Variants in FAM3D observed in about 807,000 individuals in gnomAD.
FAM3D encodes FAM3 metabolism regulating signaling molecule D.
A neutral mutation model predicts 29.8 loss-of-function variants in FAM3D; 26 were observed. That is an observed-to-expected ratio of 0.87 (90% CI 0.64 to 1.21). The LOEUF is 1.21. Ranked by LOEUF, FAM3D falls within the 50% of genes most tolerant of loss-of-function variation. FAM3D has a pLI of 0.00. For synonymous variants in FAM3D, 115 were observed against 102.3 expected (o/e 1.12, Z -0.75); for missense variants, 253 against 290.9 (o/e 0.87, Z 0.95).
chr3:58,650,613 G>C (rs990649498), intron 3 of FAM3D, among the ~76,000 whole-genome samples: 11 of 152,134 alleles, frequency 7.2e-5, no homozygotes, highest in African/African-American at 2.2e-4. Flanking sequence ...GAGACTCCTG[G>C]ATTCAGCCAC....
At position 58,653,692 on chromosome 3, in the gene FAM3D, G is replaced by T. The variant is rs140921588; in HGVS notation, c.103C>A (p.Arg35Ser). 6.2e-7 allele frequency: 1 copy of T among 1,613,918 alleles called. No individual in the cohort carries two copies. The highest frequency in any genetic ancestry group is 8.5e-7 in the Non-Finnish European group (1 of 1,180,032). Residue 35 changes from arginine (R) to serine (S), a missense_variant, in exon 3 of 10, where the codon CGT becomes AGT. Arg to Ser is a moderately radical substitution (Grantham distance 110). Transcript: ENST00000358781. ...CACTCACCCAGCCAGCGTGGCAGAC[G>T]GATGGTTTTCATGCTGAAGCTCATG... ...SYMSFSMKTI[R>S]LPRWLAASPT...
At position 58,633,986 on chromosome 3, in the gene FAM3D, T is replaced by A; in HGVS notation, c.*293A>T. ...AATAAAATTTAATTGGGCTCAAGTC[T>A]GGGCAGTTTGTCCTTCCTCAGGACC... On this transcript the variant is annotated 3_prime_UTR_variant, in exon 10 of 10. Coordinates refer to ENST00000358781, the MANE Select transcript of FAM3D (RefSeq NM_138805.3). The A allele has an allele frequency of 2.5e-6, 1 of 405,858 alleles. No individual in the cohort carries two copies. Among genetic ancestry groups the A allele is most frequent in the Non-Finnish European group, 4.4e-6 (1 of 226,818 alleles). 25.1% of individuals were successfully genotyped at this position (405,858 alleles called of 1,614,324 possible).
At chr3:58,650,132 C>T (rs912506437) in intron 3 of FAM3D, among the ~76,000 whole-genome samples, 23 of 152,224 alleles carry the variant, frequency 1.5e-4, no homozygotes, top group African/African-American at 3.1e-4. Flanking sequence ...TCTCCCACCA[C>T]GCCAGCAGTG....
At chr3:58,655,821 G>GT (rs1329177393) in intron 1 of FAM3D, among the ~76,000 whole-genome samples, 9 of 152,242 alleles carry the variant, frequency 5.9e-5, no homozygotes, top group Admixed American at 5.9e-4. Context: ...AATTCTCCAT[G>GT]TTTTTTTGAA....
rs1441176212 is a variant in FAM3D at position 58,634,214 on chromosome 3, G to A, written c.*65C>T. The stretch of plus-strand genomic sequence containing the variant: ...GCTCCTCCTCCTCAGCCCCTGCCGG[G>A]CTCTGACTCCTAAGTCAGGCAGGAG... On this transcript the variant is annotated 3_prime_UTR_variant, in exon 10 of 10. Coordinates refer to ENST00000358781, the MANE Select transcript of FAM3D (RefSeq NM_138805.3). The surrounding 1 kb of genome is among the most constrained non-coding windows in gnomAD (Gnocchi z 4.6). 6.7e-7 allele frequency: 1 copy of A among 1,483,520 alleles called. No individual in the cohort carries two copies. Among genetic ancestry groups the A allele is most frequent in the East Asian group, 2.3e-5 (1 of 44,138 alleles). 91.9% of individuals were successfully genotyped at this position (1,483,520 alleles called of 1,614,324 possible). A position where few individuals can be genotyped will look rare whatever the true frequency, so the allele number is the denominator to read the frequency against.
chr3:58,662,183 G>T (rs1382012020), intron 1 of FAM3D, among the ~76,000 whole-genome samples: 1 of 152,226 alleles, frequency 6.6e-6, no homozygotes, highest in Non-Finnish European at 1.5e-5. Flanking sequence ...GCCCCTGCAG[G>T]CCTGCTGCTG....
intron 4 of FAM3D, among the ~76,000 whole-genome samples, chr3:58,646,649 C>G (rs1048913259): frequency 3.3e-5 from 5 of 152,220 alleles, no homozygotes; most frequent in African/African-American, 1.2e-4. Context: ...GGTTGGGCAG[C>G]CTTTCCCTCC....
chr3:58,637,928 AGGCTGGAGTGCAATGGCGC>A (rs2066221975), intron 7 of FAM3D, among the ~76,000 whole-genome samples: 1 of 123,148 alleles, frequency 8.1e-6, no homozygotes. Flanking sequence ...CTCGTTGCCC[AGGCTGGAGTGCAATGGCGC>A]GATCTGCGCT....
chr3:58,662,074 C>T (rs990270235), intron 1 of FAM3D, among the ~76,000 whole-genome samples: 2 of 152,174 alleles, frequency 1.3e-5, no homozygotes, highest in Admixed American at 6.5e-5. Context: ...CCAGTTTGTG[C>T]CCCAGAATTT....
intron 7 of FAM3D, among the ~76,000 whole-genome samples, chr3:58,639,350 C>A (rs2066263771): frequency 6.6e-6 from 1 of 152,168 alleles, no homozygotes; most frequent in Non-Finnish European, 1.5e-5. Flanking sequence ...GCCTCTATGT[C>A]ACAGATGAAG....
At chr3:58,653,576 T>C (rs2066707372) in intron 3 of FAM3D, 98 bp downstream of exon 3, 1 of 1,160,922 alleles carries the variant, frequency 8.6e-7, no homozygotes, top group Non-Finnish European at 1.3e-6. Context: ...GCACAGCTTG[T>C]CATGTCTCCT....
At position 58,652,288 on chromosome 3, in the gene FAM3D, T is replaced by C. The variant is rs566829665; in HGVS notation, c.121+1386A>G. Among the ~76,000 whole-genome samples the C allele has an allele frequency of 4.6e-5, 7 of 152,296 alleles. No individual in the cohort carries two copies. In the South Asian group the frequency reaches 1.5e-3, roughly 32 times the overall value. Reference sequence around the variant, plus strand: ...TTGAGTCCATTCCACAACCACACCATAGATCACTCTGTGGAACATTTGTGC... The same window carrying C: ...TTGAGTCCATTCCACAACCACACCACAGATCACTCTGTGGAACATTTGTGC... On this transcript the variant is annotated intron_variant, in intron 3 of 9. Transcript: ENST00000358781.
rs2066514396 is a variant in FAM3D at position 58,647,491 on chromosome 3, C to T, written c.145+1824G>A. 2.6e-5 allele frequency among the ~76,000 whole-genome samples: 4 copies of T among 152,364 alleles called. No homozygotes were observed. In the South Asian group the frequency reaches 6.2e-4, roughly 24 times the overall value. On this transcript the variant is annotated intron_variant, in intron 4 of 9. Transcript: ENST00000358781. ...ATGCACCCCTCACCCGGGGATCTCA[C>T]CTATGCAGGGAGATCATTCCCAGCC...
intron 5 of FAM3D, 100 bp from the exon 6 acceptor site, chr3:58,643,820 T>A: frequency 9.6e-7 from 1 of 1,041,072 alleles, no homozygotes; most frequent in Non-Finnish European, 1.5e-6. Context: ...ACATAAGCAA[T>A]GCAGAAGCAT....
At chr3:58,640,573 C>A (rs1372651956) in intron 6 of FAM3D, among the ~76,000 whole-genome samples, 1 of 152,216 alleles carries the variant, frequency 6.6e-6, no homozygotes, top group East Asian at 1.9e-4. Flanking sequence ...AAATCAAAAT[C>A]AAAATGACAG....
chr3:58,644,100 T>C (rs1404507286), intron 5 of FAM3D, among the ~76,000 whole-genome samples: 1 of 152,192 alleles, frequency 6.6e-6, no homozygotes, highest in African/African-American at 2.4e-5. Context: ...GTGTTCCTGC[T>C]GGCCCGGCAT....
intron 4 of FAM3D, among the ~76,000 whole-genome samples, chr3:58,646,788 G>A (rs13325602): frequency 0.014 from 2,078 of 152,294 alleles, 52 homozygotes; most frequent in South Asian, 0.066. Context: ...CCAGGACTTT[G>A]TGTTTATTAT....
intron 2 of FAM3D, among the ~76,000 whole-genome samples, chr3:58,654,888 A>G (rs1357031648): frequency 6.6e-6 from 1 of 152,108 alleles, no homozygotes. Flanking sequence ...CCAGCACTCA[A>G]TTTTGTGCCA....
chr3:58,651,064 G>T (rs970145258), intron 3 of FAM3D, among the ~76,000 whole-genome samples: 1 of 152,172 alleles, frequency 6.6e-6, no homozygotes, highest in African/African-American at 2.4e-5. Context: ...AGGCACAGGG[G>T]TTCTTAATCT....
Sources: allele counts gnomAD v4.1 joint callset (sites outside exome capture counted in the v4.1 genomes callset), GRCh38; gene constraint gnomAD v4.1.1; non-coding constraint Gnocchi (gnomAD v3.1); transcripts MANE v1.5; gene names NCBI Gene and HGNC (gene_info 2026-07-23, HGNC 2026-07-21).